ARHGAP15: variants seen among roughly 807,000 people sequenced by gnomAD.
The protein encoded by ARHGAP15 is Rho GTPase activating protein 15.
A neutral mutation model predicts 63.7 loss-of-function variants in ARHGAP15; 51 were observed. That is an observed-to-expected ratio of 0.80 (90% confidence interval 0.64 to 1.01). ARHGAP15 has a LOEUF of 1.01. Ranked by LOEUF, ARHGAP15 falls within the 50% of genes least tolerant of loss-of-function variation. The pLI is 0.00. For missense variants in ARHGAP15, 560 were observed against 564.6 expected (o/e 0.99, Z 0.08); for synonymous variants, 191 against 193.8 (o/e 0.99, Z 0.12).
intron 3 of ARHGAP15, 145 bp from the exon 4 acceptor site, chr2:143,216,239 T>A (rs1402632899): frequency 1.8e-6 from 1 of 548,062 alleles, no homozygotes; most frequent in Non-Finnish European, 3.3e-6. Context: ...TGCAGGCACT[T>A]CCCATAAGCT....
At chr2:143,392,441 T>C (rs574950788) in intron 6 of ARHGAP15, among the ~76,000 whole-genome samples, 1 of 152,350 alleles carries the variant, frequency 6.6e-6, no homozygotes, top group East Asian at 1.9e-4. Flanking sequence ...TTTCAACAGA[T>C]GTAGATTTAA....
At chr2:143,273,759 C>A (rs922807117) in intron 6 of ARHGAP15, among the ~76,000 whole-genome samples, 1 of 152,038 alleles carries the variant, frequency 6.6e-6, no homozygotes, top group African/African-American at 2.4e-5. Context: ...ATTTTAAATG[C>A]TAGTCATTTC....
intron 2 of ARHGAP15, among the ~76,000 whole-genome samples, chr2:143,190,534 A>G (rs1211180308): frequency 1.3e-5 from 2 of 152,052 alleles, no homozygotes; most frequent in African/African-American, 4.8e-5. Flanking sequence ...TCTCACACTC[A>G]CCTCTTCCCT....
At chr2:143,214,489 G>C (rs1462381226) in intron 3 of ARHGAP15, among the ~76,000 whole-genome samples, 1 of 152,006 alleles carries the variant, frequency 6.6e-6, no homozygotes, top group East Asian at 1.9e-4. Context: ...CAAGAAAAAG[G>C]GACAGTATAC....
At chr2:143,280,258 C>G (rs1681775157) in intron 6 of ARHGAP15, among the ~76,000 whole-genome samples, 1 of 151,966 alleles carries the variant, frequency 6.6e-6, no homozygotes, top group Admixed American at 6.6e-5. Context: ...GTGACTAATA[C>G]CAAACTCACT....
At chr2:143,378,273 A>T (rs1012448403) in intron 6 of ARHGAP15, among the ~76,000 whole-genome samples, 1 of 152,038 alleles carries the variant, frequency 6.6e-6, no homozygotes, top group Non-Finnish European at 1.5e-5. Context: ...ATTCAAAGCC[A>T]TTCTTGAGTC....
At chr2:143,647,003 A>C (rs1680910778) in intron 12 of ARHGAP15, among the ~76,000 whole-genome samples, 1 of 152,002 alleles carries the variant, frequency 6.6e-6, no homozygotes, top group Non-Finnish European at 1.5e-5. Flanking sequence ...GAAATGGCAC[A>C]TTTTCTGGAT....
chr2:143,398,651 T>C (rs1687870187), intron 6 of ARHGAP15, among the ~76,000 whole-genome samples: 1 of 152,108 alleles, frequency 6.6e-6, no homozygotes, highest in African/African-American at 2.4e-5. Flanking sequence ...AGTTTGGCCA[T>C]GAAACAAACT....
At chr2:143,211,557 T>C (rs1341606101) in intron 3 of ARHGAP15, among the ~76,000 whole-genome samples, 1 of 152,148 alleles carries the variant, frequency 6.6e-6, no homozygotes, top group Non-Finnish European at 1.5e-5. Flanking sequence ...ATGCTAAATC[T>C]GCTTGATAAT....
chr2:143,453,628 G>GA (rs1244207988), intron 8 of ARHGAP15, among the ~76,000 whole-genome samples: 1 of 151,794 alleles, frequency 6.6e-6, no homozygotes, highest in East Asian at 1.9e-4. Flanking sequence ...AATGTCTTTG[G>GA]ACTTACAGGG....
chr2:143,157,918 G>T (rs1231433824), intron 2 of ARHGAP15, among the ~76,000 whole-genome samples: 2 of 151,724 alleles, frequency 1.3e-5, no homozygotes, highest in Non-Finnish European at 2.9e-5. Context: ...AAAAATGTGG[G>T]CACATATTCA....
intron 6 of ARHGAP15, among the ~76,000 whole-genome samples, chr2:143,333,421 CTT>C (rs1315986364): frequency 2.0e-5 from 3 of 152,144 alleles, no homozygotes; most frequent in African/African-American, 7.2e-5. Flanking sequence ...TTGCAGTACT[CTT>C]TTGCATAAAT....
At chr2:143,702,786 T>C (rs1412900901) in intron 12 of ARHGAP15, among the ~76,000 whole-genome samples, 1 of 152,146 alleles carries the variant, frequency 6.6e-6, no homozygotes, top group Non-Finnish European at 1.5e-5. Flanking sequence ...CTCTCTTTTC[T>C]GCTCCCGTTG....
intron 1 of ARHGAP15, among the ~76,000 whole-genome samples, chr2:143,144,619 A>G (rs16858636): frequency 0.019 from 2,911 of 152,100 alleles, 87 homozygotes; most frequent in African/African-American, 0.065. Flanking sequence ...CCATATTTTA[A>G]TTAGTCTTAA....
chr2:143,130,920 A>G (rs1366728518), intron 1 of ARHGAP15, among the ~76,000 whole-genome samples: 2 of 152,144 alleles, frequency 1.3e-5, no homozygotes, highest in South Asian at 4.1e-4. Context: ...ATTTTGGTTG[A>G]TATGTTATTA....
intron 2 of ARHGAP15, among the ~76,000 whole-genome samples, chr2:143,174,485 T>G (rs73962362): frequency 0.019 from 2,821 of 152,286 alleles, 107 homozygotes; most frequent in African/African-American, 0.065. Flanking sequence ...ACTTATTTTT[T>G]CAGAAAAATT....
intron 6 of ARHGAP15, chr2:143,314,509 G>A (rs1683605181): frequency 6.6e-6 from 1 of 151,836 alleles, no homozygotes; most frequent in Non-Finnish European, 1.5e-5. Flanking sequence ...AGGGCTCAAA[G>A]TTTGTAAGAG....
intron 12 of ARHGAP15, among the ~76,000 whole-genome samples, chr2:143,625,716 C>G (rs1434718698): frequency 4.6e-5 from 7 of 152,176 alleles, no homozygotes; most frequent in Non-Finnish European, 5.9e-5. Flanking sequence ...AACACCCAAG[C>G]AACTTACAAT....
chr2:143,598,881 C>T (rs1156677649), intron 11 of ARHGAP15, among the ~76,000 whole-genome samples: 3 of 151,728 alleles, frequency 2.0e-5, no homozygotes, highest in Admixed American at 1.3e-4. Context: ...CGCACCACTG[C>T]ACTCCATCCT....
Sources: allele counts gnomAD v4.1 joint callset (sites outside exome capture counted in the v4.1 genomes callset), GRCh38; gene constraint gnomAD v4.1.1; transcripts MANE v1.5; gene names NCBI Gene and HGNC (gene_info 2026-07-23, HGNC 2026-07-21).